NEBL: variants seen among roughly 807,000 people sequenced by gnomAD.
NEBL encodes the protein LIM and SH3 protein 2.
A neutral mutation model predicts 140.2 loss-of-function variants in NEBL; 122 were observed. That is an observed-to-expected ratio of 0.87 (90% confidence interval 0.75 to 1.01). NEBL has a LOEUF of 1.01. Ranked by LOEUF, NEBL falls within the 50% of genes least tolerant of loss-of-function variation. The pLI is 0.00. For synonymous variants in NEBL, 436 were observed against 398.9 expected (o/e 1.09, Z -1.11); for missense variants, 1,365 against 1,231.3 (o/e 1.11, Z -1.62).
chr10:21,115,615 A>G lies in NEBL; in HGVS notation c.164+56768T>C, dbSNP rs149868956. On this transcript the variant is annotated intron_variant, in intron 2 of 6. Coordinates refer to the NEBL transcript ENST00000417816. ...TTGTTTCCAACAAGGAGTTCGCTCAATATCACCTTTGTTCTGTGCATAATG... is the reference window on the plus strand; with the variant it reads ...TTGTTTCCAACAAGGAGTTCGCTCAGTATCACCTTTGTTCTGTGCATAATG... 1.8e-4 allele frequency among the ~76,000 whole-genome samples: 28 copies of G among 152,162 alleles called. No homozygotes were observed. In the East Asian group the frequency reaches 5.2e-3, roughly 28 times the overall value.
At chr10:20,850,536 A>G (rs781303861) in intron 10 of NEBL, 34 bp from the exon 11 acceptor site, 1 of 1,377,608 alleles carries the variant, frequency 7.3e-7, no homozygotes, top group Non-Finnish European at 1.0e-6. Context: ...ATACAAATCG[A>G]AAGTCCTTAT....
At chr10:21,072,370 C>T (rs1203516809) in intron 2 of NEBL, among the ~76,000 whole-genome samples, 3 of 152,168 alleles carry the variant, frequency 2.0e-5, no homozygotes, top group African/African-American at 7.2e-5. Context: ...ATGTACATCT[C>T]CCGAGACTCT....
At chr10:20,927,629 C>A (rs879702370) in intron 4 of NEBL, among the ~76,000 whole-genome samples, 1 of 152,136 alleles carries the variant, frequency 6.6e-6, no homozygotes, top group Admixed American at 6.5e-5. Flanking sequence ...TTTAAGTGTT[C>A]GTGTAAATAT....
chr10:21,252,955 C>CA (rs946594240), intron 1 of NEBL, among the ~76,000 whole-genome samples: 5 of 151,928 alleles, frequency 3.3e-5, no homozygotes, highest in African/African-American at 1.2e-4. Flanking sequence ...AACTCCATCC[C>CA]AAAAAAGCAA....
intron 4 of NEBL, among the ~76,000 whole-genome samples, chr10:20,933,752 A>C (rs557634402): frequency 6.6e-6 from 1 of 152,198 alleles, no homozygotes; most frequent in Non-Finnish European, 1.5e-5. Context: ...ACAAAAAAAG[A>C]AAGTTACATA....
intron 1 of NEBL, among the ~76,000 whole-genome samples, chr10:21,291,201 G>A (rs1481890942): frequency 2.0e-5 from 3 of 151,988 alleles, no homozygotes; most frequent in Non-Finnish European, 2.9e-5. Context: ...GGGAAGGTAA[G>A]GGGGTCTAAG....
intron 7 of NEBL, among the ~76,000 whole-genome samples, chr10:20,861,585 A>AG (rs1207416558): frequency 1.3e-5 from 2 of 152,232 alleles, no homozygotes; most frequent in Non-Finnish European, 2.9e-5. Context: ...CACTGAACAA[A>AG]GATGGTGGAC....
chr10:20,876,652 A>G (rs1845530093), intron 5 of NEBL, among the ~76,000 whole-genome samples: 1 of 152,200 alleles, frequency 6.6e-6, no homozygotes, highest in African/African-American at 2.4e-5. Flanking sequence ...TCGACTACCA[A>G]TATGGTGTTT....
At chr10:21,039,409 G>A (rs1425736970) in intron 2 of NEBL, among the ~76,000 whole-genome samples, 1 of 152,146 alleles carries the variant, frequency 6.6e-6, no homozygotes, top group East Asian at 1.9e-4. Context: ...TGTATAAGGT[G>A]TAAGGACGGG....
At chr10:20,987,833 C>T (rs1206144628) in intron 3 of NEBL, among the ~76,000 whole-genome samples, 7 of 152,186 alleles carry the variant, frequency 4.6e-5, no homozygotes, top group Admixed American at 2.6e-4. Flanking sequence ...CCTTTTAATA[C>T]TTCAACAATC....
chr10:20,848,317 A>C (rs762716552), intron 11 of NEBL, among the ~76,000 whole-genome samples: 10 of 152,214 alleles, frequency 6.6e-5, no homozygotes, highest in African/African-American at 2.4e-4. Context: ...ATTAAATGTA[A>C]ATTTTTGTAG....
chr10:21,243,366 G>C (rs11012613), intron 3 of NEBL, among the ~76,000 whole-genome samples: 1 of 149,212 alleles, frequency 6.7e-6, no homozygotes, highest in Non-Finnish European at 1.5e-5. Context: ...GAGTGCAGTG[G>C]TACAATCTCA....
At chr10:20,982,761 C>T (rs1837104380) in intron 3 of NEBL, among the ~76,000 whole-genome samples, 1 of 151,976 alleles carries the variant, frequency 6.6e-6, no homozygotes, top group African/African-American at 2.4e-5. Flanking sequence ...TGTTTTTTTC[C>T]AGTCATTTTA....
chr10:20,799,142 A>C (rs1326719864), intron 26 of NEBL, among the ~76,000 whole-genome samples: 1 of 152,176 alleles, frequency 6.6e-6, no homozygotes, highest in African/African-American at 2.4e-5. Context: ...TAATGATTAG[A>C]TTCATCGCAG....
intron 2 of NEBL, among the ~76,000 whole-genome samples, chr10:21,156,392 G>A (rs533458919): frequency 2.0e-5 from 3 of 152,228 alleles, no homozygotes; most frequent in Admixed American, 2.0e-4. Flanking sequence ...AGAGAGCAGT[G>A]TGTTTGGGAT....
chr10:20,780,964 C>T lies in NEBL; in HGVS notation c.*4783G>A, dbSNP rs1835003449. On this transcript the variant is annotated 3_prime_UTR_variant, in exon 28 of 28. Coordinates refer to ENST00000377122, the MANE Select transcript of NEBL (RefSeq NM_006393.3). Reference sequence around the variant, plus strand: ...AGTGACTGTACTATACAATGTGATGCTAGGCTTAATGTGTCATTTCAATGC... The same window carrying T: ...AGTGACTGTACTATACAATGTGATGTTAGGCTTAATGTGTCATTTCAATGC... 3 of 152,130 alleles carry T rather than the reference C, an allele frequency of 2.0e-5. No individual in the cohort carries two copies. The South Asian group carries it at 6.2e-4, about 32-fold the overall frequency. The allele number at this position is 152,130 out of a possible 1,614,324, so 9.4% of individuals were successfully genotyped here. A position where few individuals can be genotyped will look rare whatever the true frequency, so the allele number is the denominator to read the frequency against.
intron 9 of NEBL, among the ~76,000 whole-genome samples, chr10:20,854,132 G>A (rs1277846211): frequency 2.0e-5 from 3 of 152,150 alleles, no homozygotes; most frequent in African/African-American, 7.2e-5. Context: ...AAGACCTTTA[G>A]TAGTAAATGG....
intron 3 of NEBL, among the ~76,000 whole-genome samples, chr10:21,196,777 C>CA (rs1335995069): frequency 6.6e-6 from 1 of 152,028 alleles, no homozygotes; most frequent in African/African-American, 2.4e-5. Flanking sequence ...ATTCATTTGA[C>CA]AAAAAAATAG....
chr10:20,814,128 T>C (rs1838456685), intron 22 of NEBL, 85 bp from the exon 23 acceptor site: 5 of 836,280 alleles, frequency 6.0e-6, no homozygotes, highest in African/African-American at 1.7e-5. Context: ...GTGAAACATA[T>C]GCAACATACT....
Sources: allele counts gnomAD v4.1 joint callset (sites outside exome capture counted in the v4.1 genomes callset), GRCh38; gene constraint gnomAD v4.1.1; transcripts MANE v1.5; gene names NCBI Gene and HGNC (gene_info 2026-07-23, HGNC 2026-07-21).